STOML3: variants seen among roughly 807,000 people sequenced by gnomAD.
STOML3 encodes the protein stomatin like 3.
Under a neutral mutation model 29.5 loss-of-function variants are expected in STOML3, and 31 were observed. The observed-to-expected ratio is 1.05, with a 90% confidence interval of 0.79 to 1.42. The LOEUF is 1.42. STOML3 is among the 40% of genes most tolerant of loss of function. STOML3 has a pLI of 0.00. For synonymous variants in STOML3, 122 were observed against 139.8 expected (o/e 0.87, Z 0.90); for missense variants, 380 against 363.0 (o/e 1.05, Z -0.38).
chr13:38,966,994 A>T lies in STOML3; in HGVS notation c.707T>A (p.Met236Lys). Reference sequence around the variant, plus strand: ...AGCTATGGGAGACTCAGCCAGCACCATGGAGGCTGACTTCAGGGATTTGGA... The same window carrying T: ...AGCTATGGGAGACTCAGCCAGCACCTTGGAGGCTGACTTCAGGGATTTGGA... ...NASKSLKSAS[M>K]VLAESPIALQ... Residue 236 changes from methionine (M) to lysine (K), a missense_variant, in exon 7 of 7, where the codon ATG becomes AAG. Met to Lys is a moderately conservative substitution (Grantham distance 95). Coordinates refer to ENST00000379631, the MANE Select transcript of STOML3 (RefSeq NM_145286.3). 1 of 1,614,136 alleles carries T rather than the reference A, an allele frequency of 6.2e-7. No individual in the cohort carries two copies. Among genetic ancestry groups the T allele is most frequent in the Non-Finnish European group, 8.5e-7 (1 of 1,180,010 alleles).
In STOML3 at chr13:38,980,207, C is replaced by T. The variant is rs571820021; in HGVS notation, c.53-3410G>A. On this transcript the variant is annotated intron_variant, in intron 1 of 6. Coordinates refer to ENST00000379631, the MANE Select transcript of STOML3 (RefSeq NM_145286.3). ...CACTGGAGCATTAGAATCACCCAGG[C>T]CGCGGCTTCTGGGAGAATTGGTGGA... The T allele has an allele frequency of 5.4e-5, 78 of 1,435,060 alleles. 1 individual carries two copies. The South Asian group carries it at 9.6e-4, about 18-fold the overall frequency. The allele number at this position is 1,435,060 out of a possible 1,614,324, so 88.9% of individuals were successfully genotyped here.
At chr13:38,970,423 A>C in intron 4 of STOML3, 35 bp from the exon 5 acceptor site, 2 of 1,581,914 alleles carry the variant, frequency 1.3e-6, no homozygotes, top group Non-Finnish European at 1.7e-6. Flanking sequence ...TCACTTATTT[A>C]TGACTTTCAC....
At chr13:38,972,457 A>G (rs940697029) in intron 4 of STOML3, 55 bp downstream of exon 4, 5 of 1,531,058 alleles carry the variant, frequency 3.3e-6, no homozygotes, top group Non-Finnish European at 4.5e-6. Flanking sequence ...AATTGTCCTT[A>G]TAATAGAGAA....
intron 4 of STOML3, among the ~76,000 whole-genome samples, chr13:38,970,954 A>G (rs575162562): frequency 8.8e-4 from 134 of 152,288 alleles, no homozygotes; most frequent in Non-Finnish European, 3.8e-4. Context: ...AGCAGAACCT[A>G]GAACTGTCCA....
At chr13:38,976,356 T>C (rs1288128862) in intron 3 of STOML3, among the ~76,000 whole-genome samples, 184 bp downstream of exon 3, 1 of 152,250 alleles carries the variant, frequency 6.6e-6, no homozygotes, top group East Asian at 1.9e-4. Context: ...CTCAAACTGG[T>C]GGTCATTCCC....
chr13:38,988,569 TTTTATATCA>T (rs1461715121), intron 1 of STOML3, among the ~76,000 whole-genome samples: 10 of 126,380 alleles, frequency 7.9e-5, no homozygotes, highest in East Asian at 2.3e-4. Flanking sequence ...ATATAATATA[TTTTATATCA>T]TATATTTTAT....
intron 1 of STOML3, 88 bp downstream of exon 1, chr13:38,990,582 T>C (rs1223338259): frequency 1.5e-6 from 2 of 1,340,850 alleles, no homozygotes; most frequent in East Asian, 2.3e-5. Context: ...ATATATCTCA[T>C]ACTTACTCTA....
In STOML3 at chr13:38,977,388, C is replaced by T. The variant is rs532962989; in HGVS notation, c.53-591G>A. Among the ~76,000 whole-genome samples the T allele has an allele frequency of 5.3e-4, 81 of 152,306 alleles. 1 individual carries two copies. The South Asian group carries it at 0.016, about 30-fold the overall frequency. ...CTGTAGAATGGGGCTAGAAGTTACC[C>T]GCCTTAGAGAATTTGATGAGGATTA... is the stretch of plus-strand genomic sequence containing the variant. On this transcript the variant is annotated intron_variant, in intron 1 of 6. Coordinates refer to ENST00000379631, the MANE Select transcript of STOML3 (RefSeq NM_145286.3).
chr13:38,971,365 T>C (rs1003674578), intron 4 of STOML3, among the ~76,000 whole-genome samples: 4 of 152,114 alleles, frequency 2.6e-5, no homozygotes, highest in African/African-American at 9.7e-5. Flanking sequence ...TATTCTGCAG[T>C]TCCTAAGTGA....
At chr13:38,975,296 G>C (rs1480539783) in intron 3 of STOML3, among the ~76,000 whole-genome samples, 2 of 150,872 alleles carry the variant, frequency 1.3e-5, no homozygotes, top group African/African-American at 4.9e-5. Context: ...ACTCCAGCCT[G>C]GGCGACAGAG....
Position 38,988,128 on chromosome 13 carries a change from ATTT to A in STOML3, c.52+2539_52+2541del. Among the ~76,000 whole-genome samples, 3 of 101,146 alleles carry A rather than the reference ATTT, an allele frequency of 3.0e-5. 1 individual carries two copies. Among genetic ancestry groups the A allele is most frequent in the Non-Finnish European group, 5.2e-5 (3 of 57,850 alleles). 66.4% of individuals were successfully genotyped at this position (101,146 alleles called of 152,430 possible). On this transcript the variant is annotated intron_variant, in intron 1 of 6. Transcript: ENST00000379631. ...TTATATCATATATTTTATATATTAT[ATTT>A]TATATCATATATTTTATATCATATA...
rs202111076 is a variant in STOML3, at chr13:38,968,417, G to A, written c.634C>T (p.Arg212Trp). 7.6e-5 allele frequency: 122 copies of A among 1,613,864 alleles called. 1 individual carries two copies. Among genetic ancestry groups the A allele is most frequent in the Middle Eastern group, 1.6e-4 (1 of 6,082 alleles). The change falls in exon 6 of 7, where the codon CGG becomes TGG. Residue 212 changes from arginine (R) to tryptophan (W), a missense_variant. Arg to Trp is a moderately radical substitution (Grantham distance 101). Transcript: ENST00000379631. Reference protein sequence around the residue: ...RSMAAEAEATREARAKVLAAE... With the variant: ...RSMAAEAEATWEARAKVLAAE... ...ACACTTACCTTGGCTCTCGCTTCCC[G>A]GGTGGCCTCAGCCTCGGCTGCCATG...
intron 1 of STOML3, among the ~76,000 whole-genome samples, chr13:38,987,121 A>T (rs1408608715): frequency 1.3e-5 from 2 of 152,202 alleles, no homozygotes; most frequent in Non-Finnish European, 2.9e-5. Flanking sequence ...GCCTTAATTT[A>T]TACCATTTCC....
chr13:38,976,384 G>A (rs575115874), intron 3 of STOML3, among the ~76,000 whole-genome samples, 156 bp downstream of exon 3: 6 of 152,242 alleles, frequency 3.9e-5, no homozygotes, highest in African/African-American at 1.4e-4. Flanking sequence ...TGCATTAAAA[G>A]GTGGCATTCT....
rs1195597608 is a variant in STOML3, at chr13:38,989,505, A to AT, written c.52+1164dup. Among the ~76,000 whole-genome samples, 145 of 140,952 alleles carry AT rather than the reference A, an allele frequency of 1.0e-3. 1 individual carries two copies. Among genetic ancestry groups the AT allele is most frequent in the Admixed American group, 2.7e-3 (38 of 14,068 alleles). The allele number at this position is 140,952 out of a possible 152,430, so 92.5% of individuals were successfully genotyped here. ...TTTTTCTTTTTTCTTTCTTTATTCCATTTTTTTTTCTTTGTTAGGCAGGGT... is the reference window on the plus strand; with the variant it reads ...TTTTTCTTTTTTCTTTCTTTATTCCATTTTTTTTTTCTTTGTTAGGCAGGGT... On this transcript the variant is annotated intron_variant, in intron 1 of 6. Transcript: ENST00000379631.
chr13:38,987,878 T>G (rs1414165222), intron 1 of STOML3, among the ~76,000 whole-genome samples: 2 of 77,580 alleles, frequency 2.6e-5, no homozygotes, highest in Non-Finnish European at 4.0e-5. Context: ...TAATATATTA[T>G]ATTTTATATA....
intron 1 of STOML3, among the ~76,000 whole-genome samples, chr13:38,986,950 G>A (rs1868595822): frequency 6.6e-6 from 1 of 152,064 alleles, no homozygotes; most frequent in South Asian, 2.1e-4. Flanking sequence ...TTTGAGAAGA[G>A]CATCTAAGAT....
rs1181947500 is a variant in STOML3 at position 38,972,594 on chromosome 13, C to T, written c.230G>A (p.Gly77Asp). The change falls in exon 4 of 7, where the codon GGT (glycine) becomes GAT (aspartate). Residue 77 changes from glycine to aspartate, a missense_variant and splice_region_variant. By Grantham distance (94) the Gly-to-Asp change is moderately conservative (BLOSUM62 -1). Transcript: ENST00000379631. The part of the protein sequence containing the change: ...RIQADKAKGP[G>D]LILVLPCIDV... ...TATGCATGGCAGGACCAGGATCAAA[C>T]CTATGAGAGAAAAAATCAGTTTAAA... The T allele has an allele frequency of 6.2e-7, 1 of 1,613,554 alleles. No individual in the cohort carries two copies. Among genetic ancestry groups the T allele is most frequent in the Admixed American group, 1.7e-5 (1 of 59,946 alleles).
At chr13:38,987,961 T>A (rs1409453422) in intron 1 of STOML3, among the ~76,000 whole-genome samples, 1 of 91,164 alleles carries the variant, frequency 1.1e-5, no homozygotes, top group East Asian at 3.4e-4. Context: ...TTATATTTTA[T>A]ATAATATATT....
Sources: gnomAD v4.1 joint callset for allele counts (sites outside exome capture counted in the v4.1 genomes callset) on GRCh38, gnomAD v4.1.1 for gene constraint, MANE v1.5 for transcripts, NCBI Gene and HGNC (gene_info 2026-07-23, HGNC 2026-07-21) for gene names.